RELN: variants seen among roughly 807,000 people sequenced by gnomAD.
RELN encodes reelin.
A neutral mutation model predicts 427.6 loss-of-function variants in RELN; 108 were observed. The ratio of observed to expected loss-of-function variants is 0.25; its 90% CI spans 0.22 to 0.30. The LOEUF is 0.30. Ranked by LOEUF, RELN falls within the 10% of genes least tolerant of loss-of-function variation. RELN has a pLI of 1.00. For missense variants in RELN, 3,715 were observed against 4,302.8 expected (o/e 0.86, Z 3.82); for synonymous variants, 1,524 against 1,513.4 (o/e 1.01, Z -0.16).
At chr7:103,923,686 G>A (rs747947777) in intron 1 of RELN, among the ~76,000 whole-genome samples, 15 of 152,076 alleles carry the variant, frequency 9.9e-5, no homozygotes, top group Non-Finnish European at 1.6e-4. Context: ...ATGATAAGGG[G>A]CACGATGAGG....
At position 103,561,871 on chromosome 7, in the gene RELN, C is replaced by T. The variant is rs976998086; in HGVS notation, c.5293G>A (p.Ala1765Thr). The stretch of plus-strand genomic sequence containing the variant: ...GAGCACATCCAAGGGCACCCTGAGG[C>T]CAGTACAACATTATCAATCGCCCAG... ...DSWAIDNVVL[A>T]SGCPWMCSGR... Residue 1765 changes from alanine (A) to threonine (T), a missense_variant, in exon 35 of 65, where the codon GCC (alanine) becomes ACC (threonine). By Grantham distance (58) the Ala-to-Thr change is moderately conservative (BLOSUM62 0). Coordinates refer to ENST00000428762, the MANE Select transcript of RELN (RefSeq NM_005045.4). The T allele has an allele frequency of 1.2e-6, 2 of 1,612,892 alleles. No individual in the cohort carries two copies. The highest frequency in any genetic ancestry group is 1.3e-5 in the African/African-American group (1 of 74,598).
At chr7:103,619,430 G>A (rs976351964) in intron 20 of RELN, among the ~76,000 whole-genome samples, 5 of 152,062 alleles carry the variant, frequency 3.3e-5, no homozygotes, top group Non-Finnish European at 5.9e-5. Flanking sequence ...TTTTCAGCCC[G>A]GCCACTTGCC....
At chr7:103,575,506 T>C in intron 29 of RELN, 42 bp downstream of exon 29, 3 of 1,583,776 alleles carry the variant, frequency 1.9e-6, no homozygotes, top group South Asian at 1.1e-5. Flanking sequence ...TAGAGATGAC[T>C]ATTTTACAAT....
intron 12 of RELN, among the ~76,000 whole-genome samples, chr7:103,656,589 C>A (rs1833028020): frequency 6.6e-6 from 1 of 152,058 alleles, no homozygotes; most frequent in Admixed American, 6.6e-5. Flanking sequence ...ATCAAATTTT[C>A]TAGCTCATGA....
intron 2 of RELN, among the ~76,000 whole-genome samples, chr7:103,879,110 T>C (rs1025556432): frequency 1.3e-5 from 2 of 152,204 alleles, no homozygotes; most frequent in African/African-American, 2.4e-5. Context: ...AGTATAACTT[T>C]ATGGTTAAGA....
rs768011197 is a variant in RELN, at chr7:103,611,597, G to GAA, written c.2895+12_2895+13dup. On this transcript the variant is annotated intron_variant, in intron 21 of 64. Transcript: ENST00000428762. Reference sequence around the variant, plus strand: ...AAGGTTACCTGTTACAAGGTTTAAGGAAACTAGACTTACTTCTTGGACGAG... The same window carrying GAA: ...AAGGTTACCTGTTACAAGGTTTAAGGAAAAACTAGACTTACTTCTTGGACGAG... The GAA allele has an allele frequency of 5.5e-5, 88 of 1,610,478 alleles. No homozygotes were observed. Among genetic ancestry groups the GAA allele is most frequent in the Non-Finnish European group, 6.4e-5 (75 of 1,177,840 alleles).
chr7:103,816,965 C>A (rs1202724673), intron 3 of RELN, among the ~76,000 whole-genome samples: 2 of 152,092 alleles, frequency 1.3e-5, no homozygotes, highest in Non-Finnish European at 2.9e-5. Flanking sequence ...GATTCTCCTG[C>A]CCCAGCCTCC....
At chr7:103,927,180 CTA>C (rs1287111951) in intron 1 of RELN, among the ~76,000 whole-genome samples, 1 of 152,060 alleles carries the variant, frequency 6.6e-6, no homozygotes, top group Non-Finnish European at 1.5e-5. Flanking sequence ...GGGTGTGAGA[CTA>C]TGTGTGTATT....
intron 1 of RELN, among the ~76,000 whole-genome samples, chr7:103,962,724 A>G (rs1327052359): frequency 6.6e-6 from 1 of 152,086 alleles, no homozygotes; most frequent in Non-Finnish European, 1.5e-5. Context: ...GTCTGCCATT[A>G]CCAAAACATA....
intron 8 of RELN, among the ~76,000 whole-genome samples, chr7:103,719,187 T>C (rs926725086): frequency 6.6e-6 from 1 of 152,194 alleles, no homozygotes; most frequent in Non-Finnish European, 1.5e-5. Context: ...AGTCTTCAGA[T>C]AGATGCAACT....
rs1405274779 is a variant in RELN, at chr7:103,597,457, G to A, written c.3334-796C>T. On this transcript the variant is annotated intron_variant, in intron 24 of 64. Transcript: ENST00000428762. The stretch of plus-strand genomic sequence containing the variant: ...GTCTCTACTAAAAATATAAAAATCA[G>A]CCAGGTATGGTGGCACACACCTGTA... 2.0e-5 allele frequency among the ~76,000 whole-genome samples: 3 copies of A among 152,098 alleles called. 1 individual carries two copies. The highest frequency in any genetic ancestry group is 4.2e-4 in the South Asian group (2 of 4,804).
chr7:103,888,545 G>A (rs1794775147), intron 2 of RELN, among the ~76,000 whole-genome samples: 1 of 152,128 alleles, frequency 6.6e-6, no homozygotes, highest in South Asian at 2.1e-4. Flanking sequence ...CATTTAACAA[G>A]GTTTCTAAGG....
chr7:103,971,509 A>G (rs1208792676), intron 1 of RELN, among the ~76,000 whole-genome samples: 1 of 152,246 alleles, frequency 6.6e-6, no homozygotes, highest in Admixed American at 6.5e-5. Flanking sequence ...TAATCAAAGA[A>G]GGAAAAATAA....
intron 4 of RELN, among the ~76,000 whole-genome samples, chr7:103,755,113 G>C (rs1258015262): frequency 6.6e-6 from 1 of 151,806 alleles, no homozygotes; most frequent in Admixed American, 6.6e-5. Context: ...ATCTTATATG[G>C]AGATGAGGAC....
chr7:103,816,566 C>CACACACACAA (rs1304995965), intron 3 of RELN, among the ~76,000 whole-genome samples: 1 of 150,724 alleles, frequency 6.6e-6, no homozygotes, highest in African/African-American at 2.5e-5. Context: ...CACACACACA[C>CACACACACAA]AACTAAGGCC....
At chr7:103,864,816 A>G (rs1794155800) in intron 2 of RELN, among the ~76,000 whole-genome samples, 1 of 152,166 alleles carries the variant, frequency 6.6e-6, no homozygotes. Context: ...CCAGACTAAG[A>G]AAAAGAGAAG....
At chr7:103,871,151 G>A (rs902081827) in intron 2 of RELN, among the ~76,000 whole-genome samples, 11 of 152,062 alleles carry the variant, frequency 7.2e-5, no homozygotes, top group South Asian at 2.1e-4. Flanking sequence ...GGCTAAAAAG[G>A]AAGTGCCTCA....
intron 2 of RELN, among the ~76,000 whole-genome samples, chr7:103,915,376 C>T (rs982974074): frequency 6.6e-6 from 1 of 152,184 alleles, no homozygotes; most frequent in African/African-American, 2.4e-5. Flanking sequence ...TTTGCTATGA[C>T]ATATTTACAT....
At chr7:103,943,122 A>G (rs1796149506) in intron 1 of RELN, among the ~76,000 whole-genome samples, 2 of 152,216 alleles carry the variant, frequency 1.3e-5, no homozygotes. Flanking sequence ...AATACAATAA[A>G]TAATGTGATG....
Sources: allele counts gnomAD v4.1 joint callset (sites outside exome capture counted in the v4.1 genomes callset), GRCh38; gene constraint gnomAD v4.1.1; transcripts MANE v1.5; gene names NCBI Gene and HGNC (gene_info 2026-07-23, HGNC 2026-07-21).